SERPINB7: variants seen among roughly 807,000 people sequenced by gnomAD.
SERPINB7 encodes serpin family B member 7.
In SERPINB7, 31 loss-of-function variants were observed where a neutral mutation model predicts 37.4. The ratio of observed to expected loss-of-function variants is 0.83; its 90% CI spans 0.62 to 1.12. The LOEUF (loss-of-function observed/expected upper bound fraction) is 1.12. SERPINB7 is among the 50% of genes most tolerant of loss of function. The pLI is 0.00. For synonymous variants in SERPINB7, 163 were observed against 166.1 expected, an observed-to-expected ratio of 0.98 and a Z score of 0.14; for missense variants, 521 against 455.3, an observed-to-expected ratio of 1.14 and a Z score of -1.31.
intron 2 of SERPINB7, among the ~76,000 whole-genome samples, chr18:63,788,171 C>CT (rs2049391929): frequency 6.6e-6 from 1 of 152,198 alleles, no homozygotes; most frequent in African/African-American, 2.4e-5. Context: ...CAGACAGACC[C>CT]TTCAGGAGTG....
At chr18:63,777,724 G>A (rs2049262517) in intron 1 of SERPINB7, 1 of 151,528 alleles carries the variant, frequency 6.6e-6, no homozygotes, top group Non-Finnish European at 1.5e-5. Flanking sequence ...AAAAAAAAAA[G>A]TAGGGAGTGT....
At chr18:63,761,592 C>G (rs1454372892) in intron 1 of SERPINB7, among the ~76,000 whole-genome samples, 1 of 152,170 alleles carries the variant, frequency 6.6e-6, no homozygotes, top group Non-Finnish European at 1.5e-5. Context: ...AATTTTATCT[C>G]CCAGAATTCC....
At chr18:63,791,649 T>C (rs558553325) in intron 2 of SERPINB7, among the ~76,000 whole-genome samples, 63 of 152,186 alleles carry the variant, frequency 4.1e-4, no homozygotes, top group African/African-American at 7.2e-4. Flanking sequence ...CTCACTCTGT[T>C]GCCCAGGCTG....
chr18:63,796,316 T>G lies in SERPINB7; in HGVS notation c.387T>G (p.Val129=), dbSNP rs775002901. The part of the protein sequence containing the change: ...EKLYDAKVER[V]DFTNHLEDTR... ...TATACGATGCCAAAGTGGAGCGAGT[T>G]GACTTTACGAATCATTTAGAAGACA... The change falls in exon 5 of 8, where the codon GTT becomes GTG. Residue 129 remains valine, a synonymous_variant. Transcript: ENST00000398019. 6.2e-7 allele frequency: 1 copy of G among 1,613,464 alleles called. No individual in the cohort carries two copies. Among genetic ancestry groups the G allele is most frequent in the East Asian group, 2.2e-5 (1 of 44,818 alleles).
intron 1 of SERPINB7, among the ~76,000 whole-genome samples, chr18:63,761,804 C>A (rs771103187): frequency 6.6e-6 from 1 of 152,180 alleles, no homozygotes; most frequent in African/African-American, 2.4e-5. Flanking sequence ...TGAGGCCTCC[C>A]AAGCTATGTG....
At chr18:63,758,197 T>G (rs1452979072) in intron 1 of SERPINB7, among the ~76,000 whole-genome samples, 1 of 152,212 alleles carries the variant, frequency 6.6e-6, no homozygotes, top group Admixed American at 6.5e-5. Flanking sequence ...GCATGATCAA[T>G]GTGATCTTAA....
chr18:63,760,911 C>A (rs1051642300), intron 1 of SERPINB7, among the ~76,000 whole-genome samples: 1 of 152,234 alleles, frequency 6.6e-6, no homozygotes, highest in Non-Finnish European at 1.5e-5. Flanking sequence ...TCATGGAGAA[C>A]CTTTGCTAGG....
chr18:63,791,636 C>A (rs142747609), intron 2 of SERPINB7, among the ~76,000 whole-genome samples: 5,165 of 151,532 alleles, frequency 0.034, 109 homozygotes, highest in South Asian at 0.061. Flanking sequence ...TTTGAGATGG[C>A]GTCTCACTCT....
At chr18:63,782,303 T>C (rs545773192) in intron 1 of SERPINB7, 52 bp from the exon 2 acceptor site, 2 of 1,095,468 alleles carry the variant, frequency 1.8e-6, no homozygotes, top group South Asian at 3.0e-5. Flanking sequence ...AAAAATATAA[T>C]ATTCCTAGAA....
At position 63,794,327 on chromosome 18, in the gene SERPINB7, A is replaced by G. The variant is rs546477155; in HGVS notation, c.336+1050A>G. On this transcript the variant is annotated intron_variant, in intron 4 of 7. Coordinates refer to ENST00000398019, the MANE Select transcript of SERPINB7 (RefSeq NM_003784.4). Reference sequence around the variant, plus strand: ...AACTATCCTGTCCCTCCCCACTGCTATCTTTATTCCTTGCTGACATCTTGC... The same window carrying G: ...AACTATCCTGTCCCTCCCCACTGCTGTCTTTATTCCTTGCTGACATCTTGC... 2.1e-3 allele frequency among the ~76,000 whole-genome samples: 325 copies of G among 151,928 alleles called. 3 individuals are homozygous for G. The highest frequency in any genetic ancestry group is 2.3e-3 in the Non-Finnish European group (158 of 67,944).
At chr18:63,786,426 T>C (rs187976720) in intron 2 of SERPINB7, among the ~76,000 whole-genome samples, 1 of 151,918 alleles carries the variant, frequency 6.6e-6, no homozygotes, top group East Asian at 1.9e-4. Context: ...TCTAAAGTTA[T>C]GTTTGGATTA....
chr18:63,759,745 G>C (rs996083028), intron 1 of SERPINB7, among the ~76,000 whole-genome samples: 5 of 152,096 alleles, frequency 3.3e-5, no homozygotes, highest in African/African-American at 9.7e-5. Flanking sequence ...TGCTATTCTT[G>C]TCATAGTGAG....
At position 63,784,749 on chromosome 18, in the gene SERPINB7, T is replaced by C. The variant is rs906941054; in HGVS notation, c.168+2209T>C. 2.0e-5 allele frequency among the ~76,000 whole-genome samples: 3 copies of C among 152,066 alleles called. No homozygotes were observed. The South Asian group carries it at 6.2e-4, about 32-fold the overall frequency. Reference sequence around the variant, plus strand: ...GATGCTGATTTGATGATAAAACAAATAAAGAAAAAAACCTTACAGTTGTCA... The same window carrying C: ...GATGCTGATTTGATGATAAAACAAACAAAGAAAAAAACCTTACAGTTGTCA... On this transcript the variant is annotated intron_variant, in intron 2 of 7. Coordinates refer to ENST00000398019, the MANE Select transcript of SERPINB7 (RefSeq NM_003784.4).
rs1568207696 is a variant in SERPINB7 at position 63,783,215 on chromosome 18, AGAGAGAGAGAGAGAGAG to A, written c.168+676_168+692del. Among the ~76,000 whole-genome samples the A allele has an allele frequency of 6.6e-3, 494 of 74,698 alleles. 2 individuals are homozygous for A. Among genetic ancestry groups the A allele is most frequent in the East Asian group, 0.031 (68 of 2,168 alleles). The allele number at this position is 74,698 out of a possible 152,430, so 49.0% of individuals were successfully genotyped here. A position where few individuals can be genotyped will look rare whatever the true frequency, so the allele number is the denominator to read the frequency against. ...GAGAGAGAGAGAGAGAGAGAGAGAG[AGAGAGAGAGAGAGAGAG>A]AGAAAGAAAGAAAGAAAGAAAGAAA... On this transcript the variant is annotated intron_variant, in intron 2 of 7. Transcript: ENST00000398019.
At chr18:63,765,895 C>T (rs2049178193) in intron 1 of SERPINB7, among the ~76,000 whole-genome samples, 1 of 151,970 alleles carries the variant, frequency 6.6e-6, no homozygotes, top group Non-Finnish European at 1.5e-5. Flanking sequence ...AGCATTTTTT[C>T]ATGTAATTAG....
chr18:63,768,616 A>G (rs1473509220), intron 1 of SERPINB7, among the ~76,000 whole-genome samples: 2 of 152,042 alleles, frequency 1.3e-5, no homozygotes, highest in South Asian at 2.1e-4. Context: ...CTTTCTTCCT[A>G]TTAAGGTTTT....
chr18:63,793,378 G>A, intron 4 of SERPINB7, 101 bp downstream of exon 4: 1 of 564,724 alleles, frequency 1.8e-6, no homozygotes, highest in East Asian at 3.0e-5. Flanking sequence ...AGATGGTTTT[G>A]TTTCTCATTG....
chr18:63,783,186 A>AAGAG lies in SERPINB7; in HGVS notation c.168+692_168+695dup, dbSNP rs1200340375. On this transcript the variant is annotated intron_variant, in intron 2 of 7. Coordinates refer to ENST00000398019, the MANE Select transcript of SERPINB7 (RefSeq NM_003784.4). ...CAAAAAGAAAATAAAGAAAGAAAGAAAGAGAGAGAGAGAGAGAGAGAGAGA... is the reference window on the plus strand; with the variant it reads ...CAAAAAGAAAATAAAGAAAGAAAGAAAGAGAGAGAGAGAGAGAGAGAGAGAGAGA... Among the ~76,000 whole-genome samples the AAGAG allele has an allele frequency of 1.6e-3, 118 of 75,296 alleles. 1 individual carries two copies. Among genetic ancestry groups the AAGAG allele is most frequent in the Non-Finnish European group, 2.2e-3 (84 of 37,608 alleles). 49.4% of individuals were successfully genotyped at this position (75,296 alleles called of 152,430 possible). A position where few individuals can be genotyped will look rare whatever the true frequency, so the allele number is the denominator to read the frequency against.
intron 1 of SERPINB7, among the ~76,000 whole-genome samples, chr18:63,757,471 G>T (rs751867080): frequency 6.6e-5 from 10 of 152,206 alleles, no homozygotes; most frequent in Non-Finnish European, 1.5e-4. Flanking sequence ...TTACAGATCT[G>T]TCAAGATTTA....
Sources: allele counts gnomAD v4.1 joint callset (sites outside exome capture counted in the v4.1 genomes callset), GRCh38; gene constraint gnomAD v4.1.1; transcripts MANE v1.5; gene names NCBI Gene and HGNC (gene_info 2026-07-23, HGNC 2026-07-21).